TTYH1: variants seen among roughly 807,000 people sequenced by gnomAD.
TTYH1 encodes the protein protein tweety homolog 1.
Under a neutral mutation model 61.2 loss-of-function variants are expected in TTYH1, and 33 were observed. The ratio of observed to expected loss-of-function variants is 0.54; its 90% CI spans 0.41 to 0.72. The LOEUF (loss-of-function observed/expected upper bound fraction) is 0.72, where lower values mean the gene tolerates loss of function less well. Among genes scored for constraint, TTYH1 ranks in the 30% least tolerant of loss-of-function variants. TTYH1 has a pLI of 0.00. For synonymous variants in TTYH1, 308 were observed against 266.4 expected (o/e 1.16, Z -1.52); for missense variants, 538 against 575.8 (o/e 0.93, Z 0.67).
intron 7 of TTYH1, 130 bp from the exon 8 acceptor site, chr19:54,430,420 T>G: frequency 1.0e-6 from 1 of 983,012 alleles, no homozygotes; most frequent in Middle Eastern, 2.3e-4. Flanking sequence ...TCTCTGAAGG[T>G]AAGGCCATCG....
chr19:54,422,882 T>A (rs896711245), intron 4 of TTYH1, among the ~76,000 whole-genome samples: 1 of 145,508 alleles, frequency 6.9e-6, no homozygotes, highest in Non-Finnish European at 1.5e-5. Context: ...TGAGCCGAGA[T>A]TTCACCATTG....
intron 5 of TTYH1, 63 bp downstream of exon 5, chr19:54,426,831 A>G (rs1257841406): frequency 1.4e-6 from 2 of 1,448,842 alleles, no homozygotes; most frequent in East Asian, 4.5e-5. Context: ...GCAGGACCTC[A>G]GTCTTACAAC....
At position 54,419,641 on chromosome 19, in the gene TTYH1, T is replaced by G; in HGVS notation, c.305+335T>G. ...GAGTGATAGTCTCCCTGGGCCTCAA[T>G]TTCCACATCTGTAAACTGGGCATTA... On this transcript the variant is annotated intron_variant, in intron 2 of 13. Coordinates refer to ENST00000376530, the MANE Select transcript of TTYH1 (RefSeq NM_020659.4). The surrounding 1 kb of genome is among the most constrained non-coding windows in gnomAD (Gnocchi z 6.1). 1 of 588,116 alleles carries G rather than the reference T, an allele frequency of 1.7e-6. No homozygotes were observed. Among genetic ancestry groups the G allele is most frequent in the Non-Finnish European group, 3.2e-6 (1 of 311,664 alleles). 36.4% of individuals were successfully genotyped at this position (588,116 alleles called of 1,614,324 possible).
At position 54,421,128 on chromosome 19, in the gene TTYH1, GC is replaced by G. The variant is rs1442083166; in HGVS notation, c.306-146del. On this transcript the variant is annotated intron_variant, in intron 2 of 13. Transcript: ENST00000376530. The surrounding 1 kb of genome is among the most constrained non-coding windows in gnomAD (Gnocchi z 4.8). ...AACCGACGGGGGCCAGGCTGAAGTC[GC>G]CCTTTTCCCACGGGCTGGCCCAATG... 4.8e-6 allele frequency: 3 copies of G among 625,882 alleles called. No individual in the cohort carries two copies. Among genetic ancestry groups the G allele is most frequent in the Non-Finnish European group, 8.7e-6 (3 of 344,766 alleles). The allele number at this position is 625,882 out of a possible 1,614,324, so 38.8% of individuals were successfully genotyped here. A position where few individuals can be genotyped will look rare whatever the true frequency, so the allele number is the denominator to read the frequency against.
Position 54,436,481 on chromosome 19 carries a change from GC to G in TTYH1, c.*192del. ...ATTTCTGTCCTTGGCCTTGGGAGTA[GC>G]TGAGGGGGCAGACTAGGGAGTAGGG... On this transcript the variant is annotated 3_prime_UTR_variant, in exon 14 of 14. Coordinates refer to ENST00000376530, the MANE Select transcript of TTYH1 (RefSeq NM_020659.4). This position sits in a 1 kb window ranked among gnomAD's most constrained non-coding sequence, Gnocchi z 4.3. The G allele has an allele frequency of 8.0e-7, 1 of 1,246,818 alleles. No individual in the cohort carries two copies. Among genetic ancestry groups the G allele is most frequent in the Non-Finnish European group, 1.2e-6 (1 of 857,824 alleles). 77.2% of individuals were successfully genotyped at this position (1,246,818 alleles called of 1,614,324 possible). A position where few individuals can be genotyped will look rare whatever the true frequency, so the allele number is the denominator to read the frequency against.
intron 5 of TTYH1, 96 bp downstream of exon 5, chr19:54,426,864 T>C: frequency 8.9e-7 from 1 of 1,125,806 alleles, no homozygotes; most frequent in Non-Finnish European, 1.3e-6. Flanking sequence ...AGGACCGTGG[T>C]CCTTCACGGC....
In TTYH1 at chr19:54,434,385, C is replaced by T. The variant is rs565107326; in HGVS notation, c.1126-1157C>T. The T allele has an allele frequency of 1.3e-5, 2 of 152,984 alleles. No homozygotes were observed. The highest frequency in any genetic ancestry group is 1.9e-4 in the East Asian group (1 of 5,192). 9.5% of individuals were successfully genotyped at this position (152,984 alleles called of 1,614,324 possible). ...ACCTACAAGGGCCTGGGTGGTCAGT[C>T]CTGGATCTGTCTGCCTCTGGCCTCA... On this transcript the variant is annotated intron_variant, in intron 10 of 13. Transcript: ENST00000376530. The surrounding 1 kb of genome is among the most constrained non-coding windows in gnomAD (Gnocchi z 4.3).
chr19:54,419,315 G>T lies in TTYH1; in HGVS notation c.305+9G>T. ...GCCCTTCTCGCCGGCTGGTAATGGG[G>T]CCCCAGGGTGGGTGGGCGGTGGGGA... On this transcript the variant is annotated intron_variant, in intron 2 of 13. Coordinates refer to ENST00000376530, the MANE Select transcript of TTYH1 (RefSeq NM_020659.4). This position sits in a 1 kb window ranked among gnomAD's most constrained non-coding sequence, Gnocchi z 6.1. 6.5e-7 allele frequency: 1 copy of T among 1,542,928 alleles called. No homozygotes were observed.
rs1364646350 is a variant in TTYH1 at position 54,436,303 on chromosome 19, T to C, written c.*43-30T>C. 6.2e-7 allele frequency: 1 copy of C among 1,613,970 alleles called. No individual in the cohort carries two copies. Among genetic ancestry groups the C allele is most frequent in the Non-Finnish European group, 8.5e-7 (1 of 1,179,998 alleles). On this transcript the variant is annotated intron_variant, in intron 13 of 13. Coordinates refer to ENST00000376530, the MANE Select transcript of TTYH1 (RefSeq NM_020659.4). This position sits in a 1 kb window ranked among gnomAD's most constrained non-coding sequence, Gnocchi z 4.3. ...CACCGGGCAGGCCCTCCAGCCTGCA[T>C]CACTGCCCTGTCTCTCCCTCTCTCC...
At position 54,415,932 on chromosome 19, in the gene TTYH1, TGGAGA is replaced by T. The variant is rs2083068087; in HGVS notation, c.126+259_126+263del. ...CTGGGGACCTGCACCCCTGAGTTCA[TGGAGA>T]GGAGGGGAGGGGGGCCCGGATTCCC... On this transcript the variant is annotated intron_variant, in intron 1 of 13. Transcript: ENST00000376530. This position sits in a 1 kb window ranked among gnomAD's most constrained non-coding sequence, Gnocchi z 5.2. The T allele has an allele frequency of 5.5e-6, 5 of 901,560 alleles. No individual in the cohort carries two copies. Among genetic ancestry groups the T allele is most frequent in the Non-Finnish European group, 6.6e-6 (4 of 602,680 alleles). 55.8% of individuals were successfully genotyped at this position (901,560 alleles called of 1,614,324 possible). A position where few individuals can be genotyped will look rare whatever the true frequency, so the allele number is the denominator to read the frequency against.
At position 54,415,896 on chromosome 19, in the gene TTYH1, A is replaced by C; in HGVS notation, c.126+218A>C. 2.5e-5 allele frequency: 19 copies of C among 769,204 alleles called. No individual in the cohort carries two copies. The highest frequency in any genetic ancestry group is 9.9e-5 in the East Asian group (3 of 30,230). 47.6% of individuals were successfully genotyped at this position (769,204 alleles called of 1,614,324 possible). ...GGGGTCCAGACCTCGAGCTCTCTAA[A>C]TAAGGGAAGGCTGGGGACCTGCACC... On this transcript the variant is annotated intron_variant, in intron 1 of 13. Coordinates refer to ENST00000376530, the MANE Select transcript of TTYH1 (RefSeq NM_020659.4). This position sits in a 1 kb window ranked among gnomAD's most constrained non-coding sequence, Gnocchi z 5.2.
intron 4 of TTYH1, among the ~76,000 whole-genome samples, chr19:54,424,367 C>T (rs959382632): frequency 1.3e-5 from 2 of 152,178 alleles, no homozygotes; most frequent in African/African-American, 2.4e-5. Flanking sequence ...ATTTATCCGA[C>T]GTCAGCTGGA....
chr19:54,417,249 CAT>C lies in TTYH1; in HGVS notation c.126+1574_126+1575del, dbSNP rs536891255. Among the ~76,000 whole-genome samples, 17 of 147,040 alleles carry C rather than the reference CAT, an allele frequency of 1.2e-4. No individual in the cohort carries two copies. The South Asian group carries it at 1.9e-3, about 16-fold the overall frequency. On this transcript the variant is annotated intron_variant, in intron 1 of 13. Transcript: ENST00000376530. ...ATTCCAACACACTCACATGCACACA[CAT>C]ATGCACAGGCACACTCAGACACACC...
At chr19:54,428,081 T>TG (rs2083365759) in intron 5 of TTYH1, among the ~76,000 whole-genome samples, 1 of 108,660 alleles carries the variant, frequency 9.2e-6, no homozygotes, top group Non-Finnish European at 1.8e-5. Context: ...CCGGCTAAGT[T>TG]TTTTTTTTTT....
rs1419272474 is a variant in TTYH1 at position 54,421,259 on chromosome 19, CCCT to C, written c.306-9_306-7del. 1.9e-6 allele frequency: 3 copies of C among 1,568,652 alleles called. No individual in the cohort carries two copies. The highest frequency in any genetic ancestry group is 2.2e-5 in the South Asian group (2 of 90,206). Reference sequence around the variant, plus strand: ...TCCTGGGACCCGCTGAGATTCCTCTCCCTCCTCCTCCGCTCAGCACTGGCATTG... The same window carrying C: ...TCCTGGGACCCGCTGAGATTCCTCTCCCTCCTCCGCTCAGCACTGGCATTG... On this transcript the variant is annotated splice_polypyrimidine_tract_variant and intron_variant, in intron 2 of 13. Coordinates refer to ENST00000376530, the MANE Select transcript of TTYH1 (RefSeq NM_020659.4). This position sits in a 1 kb window ranked among gnomAD's most constrained non-coding sequence, Gnocchi z 4.8.
chr19:54,425,712 CT>C (rs57839696), intron 4 of TTYH1, among the ~76,000 whole-genome samples: 138,510 of 146,684 alleles, frequency 0.94, 65,489 homozygotes, highest in Non-Finnish European at 0.98. Context: ...TAAGGATTAA[CT>C]TTTTTTTTTT....
chr19:54,416,902 C>G lies in TTYH1; in HGVS notation c.126+1224C>G. The stretch of plus-strand genomic sequence containing the variant: ...CCTCCCGAAGCCGCACGCGGGGATC[C>G]GCGGCCCCAGTCACCGCCAGAGGCA... On this transcript the variant is annotated intron_variant, in intron 1 of 13. Coordinates refer to ENST00000376530, the MANE Select transcript of TTYH1 (RefSeq NM_020659.4). This position sits in a 1 kb window ranked among gnomAD's most constrained non-coding sequence, Gnocchi z 7.0. The G allele has an allele frequency of 7.8e-7, 1 of 1,286,480 alleles. No individual in the cohort carries two copies. Among genetic ancestry groups the G allele is most frequent in the Non-Finnish European group, 1.0e-6 (1 of 985,776 alleles). The allele number at this position is 1,286,480 out of a possible 1,614,324, so 79.7% of individuals were successfully genotyped here.
In TTYH1 at chr19:54,422,409, A is replaced by G; in HGVS notation, c.637A>G (p.Arg213Gly). Residue 213 changes from arginine to glycine, a missense_variant and splice_region_variant, in exon 4 of 14, where the codon AGG becomes GGG. This residue lies in a region of TTYH1 where 378 missense variants were observed against 401.2 expected (regional missense o/e 0.94). Transcript: ENST00000376530. ...AAATGTGTCCTTTGTGGAGGAGTAC[A>G]GGTGAGACGCTGCTCTTCTTGCTCT... is the stretch of plus-strand genomic sequence containing the variant. ...AENVSFVEEY[R>G]WLAYVLLLLL... 1 of 1,538,694 alleles carries G rather than the reference A, an allele frequency of 6.5e-7. No homozygotes were observed. The highest frequency in any genetic ancestry group is 8.8e-7 in the Non-Finnish European group (1 of 1,138,138).
In TTYH1 at chr19:54,415,978, G is replaced by A; in HGVS notation, c.126+300G>A. The A allele has an allele frequency of 1.6e-6, 2 of 1,283,158 alleles. No homozygotes were observed. Among genetic ancestry groups the A allele is most frequent in the South Asian group, 1.3e-5 (1 of 78,390 alleles). The allele number at this position is 1,283,158 out of a possible 1,614,324, so 79.5% of individuals were successfully genotyped here. A position where few individuals can be genotyped will look rare whatever the true frequency, so the allele number is the denominator to read the frequency against. ...CCGGATTCCCGGGTGTCTGATACCT[G>A]CCTGGGAAGCCGGCCTCCAGGGTCA... On this transcript the variant is annotated intron_variant, in intron 1 of 13. Coordinates refer to ENST00000376530, the MANE Select transcript of TTYH1 (RefSeq NM_020659.4). The surrounding 1 kb of genome is among the most constrained non-coding windows in gnomAD (Gnocchi z 5.2).
Sources: gnomAD v4.1 joint callset for allele counts (sites outside exome capture counted in the v4.1 genomes callset) on GRCh38, gnomAD v4.1.1 for gene constraint, gnomAD v4.1.1 regional missense constraint, Gnocchi (gnomAD v3.1) non-coding constraint, MANE v1.5 for transcripts, NCBI Gene and HGNC (gene_info 2026-07-23, HGNC 2026-07-21) for gene names.